Variants in LRRC34 observed in about 807,000 individuals in gnomAD.
LRRC34 encodes leucine rich repeat containing 34.
Under a neutral mutation model 48.5 loss-of-function variants are expected in LRRC34, and 44 were observed. The ratio of observed to expected loss-of-function variants is 0.91; its 90% CI spans 0.71 to 1.17. The LOEUF is 1.17. Among genes scored for constraint, LRRC34 ranks in the 50% most tolerant of loss-of-function variants. The pLI, the probability that LRRC34 is intolerant of heterozygous loss-of-function variation, is 0.00. For missense variants in LRRC34, 502 were observed against 563.0 expected, an observed-to-expected ratio of 0.89 and a Z score of 1.10; for synonymous variants, 192 against 197.6, an observed-to-expected ratio of 0.97 and a Z score of 0.24.
chr3:169,795,727 T>C, intron 9 of LRRC34, 116 bp from the exon 10 acceptor site: 1 of 1,379,414 alleles, frequency 7.2e-7, no homozygotes, highest in East Asian at 2.6e-5. Flanking sequence ...GTGGTAAAAA[T>C]ACTGACCATT....
chr3:169,796,465 T>C (rs1778993482), intron 8 of LRRC34, 96 bp from the exon 9 acceptor site: 2 of 1,337,582 alleles, frequency 1.5e-6, no homozygotes, highest in South Asian at 1.4e-5. Flanking sequence ...CTTTCTGTTT[T>C]AGTAAAGGTT....
At position 169,796,753 on chromosome 3, in the gene LRRC34, A is replaced by C. The variant is rs1273453965; in HGVS notation, c.900T>G (p.Asp300Glu). ...LYLNSSLRYL[D>E]VSCNKITHDG... ...TGTAAATTATCACTTACCAGCTGAC[A>C]TCAAGGTAGCGCAGGCTACTGTTCA... Residue 300 changes from aspartate to glutamate, a missense_variant, in exon 8 of 11, where the codon GAT (aspartate) becomes GAG (glutamate). Transcript: ENST00000446859. 1 of 1,605,894 alleles carries C rather than the reference A, an allele frequency of 6.2e-7. No homozygotes were observed. The highest frequency in any genetic ancestry group is 1.1e-5 in the South Asian group (1 of 88,692).
chr3:169,793,852 G>GA lies in LRRC34; in HGVS notation c.1192-15dup, dbSNP rs775849848. On this transcript the variant is annotated splice_polypyrimidine_tract_variant and intron_variant, in intron 10 of 10. Transcript: ENST00000446859. ...GTCTGAATATGCCTAGGATTTTTAG[G>GA]AAAAAAACTATATCATTAAGAAAAA... The GA allele has an allele frequency of 7.7e-6, 12 of 1,559,618 alleles. No individual in the cohort carries two copies. The highest frequency in any genetic ancestry group is 8.7e-6 in the Non-Finnish European group (10 of 1,149,122).
In LRRC34 at chr3:169,808,722, T is replaced by C; in HGVS notation, c.163A>G (p.Lys55Glu). ...QRESPESGLQ[K>E]HYSNLCMEKS... ...TCCATACACAGATTAGAATAATGTT[T>C]CTGGAGACCAGATTCTGGAGATTCT... The change falls in exon 2 of 11, where the codon AAA becomes GAA. Residue 55 changes from lysine to glutamate, a missense_variant. Physicochemically the swap from Lys to Glu is moderately conservative, Grantham distance 56. Coordinates refer to ENST00000446859, the MANE Select transcript of LRRC34 (RefSeq NM_001172779.2). The C allele has an allele frequency of 6.3e-7, 1 of 1,587,270 alleles. No individual in the cohort carries two copies. Among genetic ancestry groups the C allele is most frequent in the Non-Finnish European group, 8.6e-7 (1 of 1,159,428 alleles).
chr3:169,796,089 A>C, intron 9 of LRRC34, 125 bp downstream of exon 9: 1 of 1,360,636 alleles, frequency 7.3e-7, no homozygotes, highest in Non-Finnish European at 9.5e-7. Context: ...CTGTAACTTA[A>C]TACTATGTCA....
intron 7 of LRRC34, among the ~76,000 whole-genome samples, 158 bp downstream of exon 7, chr3:169,800,501 T>C (rs574952062): frequency 1.7e-4 from 26 of 152,364 alleles, no homozygotes; most frequent in South Asian, 4.1e-4. Context: ...AGAATTGATA[T>C]AATTTTCATT....
chr3:169,811,121 T>C (rs377496857), intron 1 of LRRC34, among the ~76,000 whole-genome samples: 17 of 152,190 alleles, frequency 1.1e-4, no homozygotes, highest in African/African-American at 3.9e-4. Flanking sequence ...TAGAAAATGC[T>C]GCTTTAGCGT....
chr3:169,797,173 A>T (rs1779023666), intron 7 of LRRC34: 1 of 219,466 alleles, frequency 4.6e-6, no homozygotes, highest in East Asian at 9.5e-5. Context: ...TTGGTTTTTT[A>T]AAAAAACAAT....
intron 6 of LRRC34, among the ~76,000 whole-genome samples, chr3:169,802,978 CAA>C (rs762946094): frequency 1.5e-5 from 2 of 136,458 alleles, no homozygotes; most frequent in African/African-American, 2.7e-5. Flanking sequence ...ACTCTGTCTC[CAA>C]AAAAAAAAAA....
intron 9 of LRRC34, chr3:169,795,908 T>G (rs1436920312): frequency 1.7e-6 from 2 of 1,162,328 alleles, no homozygotes; most frequent in African/African-American, 1.6e-5. Context: ...CTTTAGTTCA[T>G]TCTTACTTTT....
At chr3:169,808,528 C>T in intron 2 of LRRC34, 100 bp downstream of exon 2, 1 of 678,210 alleles carries the variant, frequency 1.5e-6, no homozygotes. Flanking sequence ...TTTTACCAAG[C>T]ATTTTCAAAT....
At position 169,795,505 on chromosome 3, in the gene LRRC34, A is replaced by G. The variant is rs936358460; in HGVS notation, c.1171T>C (p.Phe391Leu). Reference sequence around the variant, plus strand: ...CTTACTATACACGTAGCCTCATCAAATTTGTTTCCCCAAATGTAGATATGA... The same window carrying G: ...CTTACTATACACGTAGCCTCATCAAGTTTGTTTCCCCAAATGTAGATATGA... ...FSHIYIWGNKFDEATCIAYSD... is the reference protein window; with the variant it reads ...FSHIYIWGNKLDEATCIAYSD... The change falls in exon 10 of 11, where the codon TTT becomes CTT. Residue 391 changes from phenylalanine (F) to leucine (L), a missense_variant. By Grantham distance (22) the Phe-to-Leu change is conservative. Transcript: ENST00000446859. The G allele has an allele frequency of 1.9e-6, 3 of 1,612,088 alleles. No individual in the cohort carries two copies. Among genetic ancestry groups the G allele is most frequent in the Non-Finnish European group, 2.5e-6 (3 of 1,178,720 alleles).
At chr3:169,809,836 G>A (rs572142331) in intron 1 of LRRC34, among the ~76,000 whole-genome samples, 1 of 152,152 alleles carries the variant, frequency 6.6e-6, no homozygotes, top group Non-Finnish European at 1.5e-5. Context: ...CGGATCTGCA[G>A]AACGAGATTT....
intron 7 of LRRC34, among the ~76,000 whole-genome samples, chr3:169,799,655 T>C (rs1362643257): frequency 6.6e-6 from 1 of 152,066 alleles, no homozygotes; most frequent in Non-Finnish European, 1.5e-5. Context: ...AGACCTCATC[T>C]CAAAAAAGAA....
chr3:169,806,971 G>T, intron 4 of LRRC34, 40 bp from the exon 5 acceptor site: 1 of 1,297,686 alleles, frequency 7.7e-7, no homozygotes, highest in South Asian at 1.2e-5. Flanking sequence ...ATTATTATTG[G>T]AAATTGGTCA....
intron 5 of LRRC34, among the ~76,000 whole-genome samples, chr3:169,804,584 C>T (rs530579602): frequency 9.4e-5 from 14 of 148,524 alleles, no homozygotes; most frequent in Admixed American, 2.1e-4. Context: ...CATGAGCCAC[C>T]GCGCCCAGCC....
rs1276798346 is a variant in LRRC34 at position 169,793,680 on chromosome 3, T to C, written c.1350A>G (p.Ser450=). 3.1e-6 allele frequency: 5 copies of C among 1,613,848 alleles called. No individual in the cohort carries two copies. Among genetic ancestry groups the C allele is most frequent in the East Asian group, 2.2e-5 (1 of 44,798 alleles). The change falls in exon 11 of 11, where the codon TCA becomes TCG. Residue 450 remains serine, a synonymous_variant. Coordinates refer to ENST00000446859, the MANE Select transcript of LRRC34 (RefSeq NM_001172779.2). The part of the protein sequence containing the change: ...TSTYGESYDH[S]SNAGFALVPV... Reference sequence around the variant, plus strand: ...GAACAAGAGCAAAACCTGCATTAGATGAGTGGTCATAAGATTCTCCATAAG... The same window carrying C: ...GAACAAGAGCAAAACCTGCATTAGACGAGTGGTCATAAGATTCTCCATAAG...
Position 169,812,489 on chromosome 3 carries a change from G to T in LRRC34, c.60C>A (p.Ala20=). Residue 20 remains alanine (A), a synonymous_variant, in exon 1 of 11, where the codon GCC becomes GCA. Transcript: ENST00000446859. This position sits in a 1 kb window ranked among gnomAD's most constrained non-coding sequence, Gnocchi z 4.3. ...CCGGGGACCTGGCCGGCGCACGGGCGGCCTCCCGGGAGCTCCCCATGCTCC... is the reference window on the plus strand; with the variant it reads ...CCGGGGACCTGGCCGGCGCACGGGCTGCCTCCCGGGAGCTCCCCATGCTCC... ...GERSMGSSRE[A]ARAPARSPAW... is the part of the protein sequence containing the mutation. The T allele has an allele frequency of 6.5e-7, 1 of 1,527,830 alleles. No homozygotes were observed. The highest frequency in any genetic ancestry group is 8.7e-7 in the Non-Finnish European group (1 of 1,143,652). 94.6% of individuals were successfully genotyped at this position (1,527,830 alleles called of 1,614,324 possible).
chr3:169,795,625 T>C lies in LRRC34; in HGVS notation c.1065-14A>G. On this transcript the variant is annotated splice_polypyrimidine_tract_variant and intron_variant, in intron 9 of 10. Transcript: ENST00000446859. ...ACTACTGACAACCTGAAACCAATAATTCCACAAGGAAAGAATACAAAAATT... is the reference window on the plus strand; with the variant it reads ...ACTACTGACAACCTGAAACCAATAACTCCACAAGGAAAGAATACAAAAATT... 6.2e-7 allele frequency: 1 copy of C among 1,603,652 alleles called. No homozygotes were observed. The highest frequency in any genetic ancestry group is 8.5e-7 in the Non-Finnish European group (1 of 1,172,894).
Sources: gnomAD v4.1 joint callset for allele counts (sites outside exome capture counted in the v4.1 genomes callset) on GRCh38, gnomAD v4.1.1 for gene constraint, Gnocchi (gnomAD v3.1) non-coding constraint, MANE v1.5 for transcripts, NCBI Gene and HGNC (gene_info 2026-07-23, HGNC 2026-07-21) for gene names.